Variants in CACNB4 observed in about 807,000 individuals in gnomAD.
CACNB4 encodes the protein calcium voltage-gated channel auxiliary subunit beta 4.
A neutral mutation model predicts 71.2 loss-of-function variants in CACNB4; 32 were observed. The ratio of observed to expected loss-of-function variants is 0.45; its 90% confidence interval spans 0.34 to 0.60. CACNB4 has a LOEUF of 0.60. Among genes scored for constraint, CACNB4 ranks in the 20% least tolerant of loss-of-function variants. The probability of loss-of-function intolerance (pLI) is 0.01; values close to 1 mark genes in which losing one functional copy is unlikely to be tolerated. For synonymous variants in CACNB4, 231 were observed against 236.9 expected, an observed-to-expected ratio of 0.97 and a Z score of 0.23; for missense variants, 464 against 647.9, an observed-to-expected ratio of 0.72 and a Z score of 3.08.
chr2:151,970,991 CA>C (rs1289952674), intron 2 of CACNB4: 287 of 113,886 alleles, frequency 2.5e-3, no homozygotes, highest in Middle Eastern at 0.011. Context: ...GACTCCGTCT[CA>C]AAAAAAAAAA....
intron 2 of CACNB4, among the ~76,000 whole-genome samples, chr2:151,919,441 C>T (rs1483026161): frequency 2.0e-5 from 3 of 152,192 alleles, no homozygotes. Context: ...AAGCTACAGG[C>T]AGGCTTATAT....
At chr2:151,881,733 C>G (rs2099847907) in intron 3 of CACNB4, among the ~76,000 whole-genome samples, 1 of 152,206 alleles carries the variant, frequency 6.6e-6, no homozygotes, top group African/African-American at 2.4e-5. Context: ...GGGAATCTGA[C>G]TGGGGAACAG....
At position 151,869,179 on chromosome 2, in the gene CACNB4, C is replaced by T; in HGVS notation, c.756G>A (p.Gly252=). The change falls in exon 9 of 14, where the codon GGG becomes GGA. Residue 252 remains glycine (G), a splice_region_variant and synonymous_variant. Coordinates refer to ENST00000539935, the MANE Select transcript of CACNB4 (RefSeq NM_000726.5). ...LFDFLKHRFD[G]RISITRVTAD... ...ACAAAAACATCTATATTTCTCACCT[C>T]CCATCAAACCTGTGCTTCAGGAAAT... 1.3e-6 allele frequency: 2 copies of T among 1,535,222 alleles called. No homozygotes were observed. The highest frequency in any genetic ancestry group is 1.2e-5 in the South Asian group (1 of 84,360).
At chr2:152,046,601 T>C (rs1280499581) in intron 2 of CACNB4, among the ~76,000 whole-genome samples, 1 of 152,182 alleles carries the variant, frequency 6.6e-6, no homozygotes, top group African/African-American at 2.4e-5. Context: ...TATTCAGCAC[T>C]ACACTTTGAC....
chr2:151,941,853 T>C (rs1429247139), intron 2 of CACNB4, among the ~76,000 whole-genome samples: 1 of 152,072 alleles, frequency 6.6e-6, no homozygotes, highest in African/African-American at 2.4e-5. Flanking sequence ...GCTGGCTTCT[T>C]GAAGGAGATA....
chr2:152,012,996 T>C (rs1171344058), intron 2 of CACNB4, among the ~76,000 whole-genome samples: 1 of 152,220 alleles, frequency 6.6e-6, no homozygotes, highest in Non-Finnish European at 1.5e-5. Context: ...ACCATACTTT[T>C]ACTGTACCTT....
At chr2:152,084,827 G>A (rs1687564775) in intron 2 of CACNB4, among the ~76,000 whole-genome samples, 2 of 151,144 alleles carry the variant, frequency 1.3e-5, no homozygotes, top group Non-Finnish European at 2.9e-5. Flanking sequence ...ATCTTGATAT[G>A]TTGCCCAGGC....
intron 2 of CACNB4, chr2:151,973,672 C>T: frequency 6.2e-7 from 1 of 1,613,482 alleles, no homozygotes; most frequent in Non-Finnish European, 8.5e-7. Flanking sequence ...TACTTACAGC[C>T]TCCGAGTCTT....
At chr2:151,869,423 C>A (rs3768652) in intron 8 of CACNB4, 188 bp from the exon 9 acceptor site, 52,799 of 534,306 alleles carry the variant, frequency 0.099, 2,872 homozygotes, top group East Asian at 0.14. Context: ...CTAATTTCCA[C>A]CCCCCTTGGT....
intron 10 of CACNB4, chr2:151,858,887 A>G (rs1454587033): frequency 1.3e-5 from 2 of 151,716 alleles, no homozygotes; most frequent in African/African-American, 4.8e-5. Flanking sequence ...CTTAACCCCT[A>G]CTCTTCTTTA....
At chr2:151,842,488 G>A (rs567357832) in intron 12 of CACNB4, among the ~76,000 whole-genome samples, 34 of 151,826 alleles carry the variant, frequency 2.2e-4, no homozygotes, top group African/African-American at 7.5e-4. Flanking sequence ...CTGCCACTGC[G>A]TCCAGCTAAT....
At chr2:151,960,667 T>G (rs2099869436) in intron 2 of CACNB4, among the ~76,000 whole-genome samples, 1 of 152,310 alleles carries the variant, frequency 6.6e-6, no homozygotes. Flanking sequence ...GGCCAACTGG[T>G]CCACCAGTCA....
intron 2 of CACNB4, among the ~76,000 whole-genome samples, chr2:151,953,336 T>C (rs2151670776): frequency 6.6e-6 from 1 of 152,280 alleles, no homozygotes; most frequent in Admixed American, 6.5e-5. Flanking sequence ...CGTACCTTGT[T>C]TGCTCCTTCT....
intron 9 of CACNB4, among the ~76,000 whole-genome samples, chr2:151,862,910 G>A (rs187150197): frequency 1.2e-4 from 18 of 152,252 alleles, no homozygotes; most frequent in African/African-American, 3.1e-4. Context: ...TCAAGTCTTC[G>A]CCTTGCTCTG....
intron 2 of CACNB4, among the ~76,000 whole-genome samples, chr2:151,940,893 G>C (rs2099864061): frequency 6.6e-6 from 1 of 152,152 alleles, no homozygotes; most frequent in Non-Finnish European, 1.5e-5. Flanking sequence ...AGTATCTCTT[G>C]TCCAACTCAG....
Position 151,975,752 on chromosome 2 carries a change from G to A in CACNB4, c.148-92382C>T, listed in dbSNP as rs527477844. ...ATTAACTCTCTAATTACAGCCATACGGTATTTCAACCAGAATCAACAGAAA... is the reference window on the plus strand; with the variant it reads ...ATTAACTCTCTAATTACAGCCATACAGTATTTCAACCAGAATCAACAGAAA... On this transcript the variant is annotated intron_variant, in intron 2 of 13. Coordinates refer to ENST00000539935, the MANE Select transcript of CACNB4 (RefSeq NM_000726.5). Among the ~76,000 whole-genome samples the A allele has an allele frequency of 3.9e-5, 6 of 152,252 alleles. No homozygotes were observed. The East Asian group carries it at 1.2e-3, about 29-fold the overall frequency.
chr2:151,869,176 C>T lies in CACNB4; in HGVS notation c.758+1G>A. The T allele has an allele frequency of 6.5e-7, 1 of 1,528,324 alleles. No homozygotes were observed. The highest frequency in any genetic ancestry group is 8.9e-7 in the Non-Finnish European group (1 of 1,118,404). 94.7% of individuals were successfully genotyped at this position (1,528,324 alleles called of 1,614,324 possible). A position where few individuals can be genotyped will look rare whatever the true frequency, so the allele number is the denominator to read the frequency against. The stretch of plus-strand genomic sequence containing the variant: ...AATACAAAAACATCTATATTTCTCA[C>T]CTCCCATCAAACCTGTGCTTCAGGA... On this transcript the variant is annotated splice_donor_variant, in intron 9 of 13. Transcript: ENST00000539935. LOFTEE classifies it high-confidence loss of function.
At position 152,088,164 on chromosome 2, in the gene CACNB4, CACACAT is replaced by C. The variant is rs1353582406; in HGVS notation, c.147+10160_147+10165del. Among the ~76,000 whole-genome samples, 780 of 150,684 alleles carry C rather than the reference CACACAT, an allele frequency of 5.2e-3. 9 individuals are homozygous for C. The highest frequency in any genetic ancestry group is 0.017 in the African/African-American group (706 of 40,822). ...TAACACACACACACACACACACACA[CACACAT>C]ACACACACACACACGGCAAATTAAA... is the stretch of plus-strand genomic sequence containing the variant. On this transcript the variant is annotated intron_variant, in intron 2 of 13. Transcript: ENST00000539935.
intron 2 of CACNB4, among the ~76,000 whole-genome samples, chr2:152,091,224 A>C (rs1687955196): frequency 1.3e-5 from 2 of 152,172 alleles, no homozygotes; most frequent in Non-Finnish European, 2.9e-5. Flanking sequence ...AGAGCGACAG[A>C]GTTCTTTCTT....
Sources: gnomAD v4.1 joint callset for allele counts (sites outside exome capture counted in the v4.1 genomes callset) on GRCh38, gnomAD v4.1.1 for gene constraint, MANE v1.5 for transcripts, NCBI Gene and HGNC (gene_info 2026-07-23, HGNC 2026-07-21) for gene names.